ERGIC1: variants seen among roughly 807,000 people sequenced by gnomAD.
ERGIC1 encodes endoplasmic reticulum-Golgi intermediate compartment protein 1.
In ERGIC1, 19 loss-of-function variants were observed where a neutral mutation model predicts 38.3. That is an observed-to-expected ratio of 0.50 (90% CI 0.35 to 0.73). The LOEUF (loss-of-function observed/expected upper bound fraction) is 0.73, where lower values mean the gene tolerates loss of function less well. Ranked by LOEUF, ERGIC1 falls within the 30% of genes least tolerant of loss-of-function variation. ERGIC1 has a pLI of 0.01. For synonymous variants in ERGIC1, 124 were observed against 157.6 expected, an observed-to-expected ratio of 0.79 and a Z score of 1.60; for missense variants, 294 against 389.2, an observed-to-expected ratio of 0.76 and a Z score of 2.06.
chr5:172,942,216 TAAAAA>T (rs780799252), intron 9 of ERGIC1, among the ~76,000 whole-genome samples: 5 of 151,434 alleles, frequency 3.3e-5, no homozygotes, highest in African/African-American at 4.9e-5. Context: ...TAATAAAAAA[TAAAAA>T]AAAGAATTGA....
At chr5:172,864,268 CTTT>C (rs60390189) in intron 1 of ERGIC1, among the ~76,000 whole-genome samples, 9 of 71,148 alleles carry the variant, frequency 1.3e-4, no homozygotes, top group Admixed American at 3.4e-4. Flanking sequence ...ATTTTGTAGT[CTTT>C]TTTTTTTTTT....
intron 3 of ERGIC1, among the ~76,000 whole-genome samples, chr5:172,907,521 G>A (rs1471129948): frequency 2.6e-5 from 4 of 151,930 alleles, no homozygotes; most frequent in African/African-American, 9.7e-5. Flanking sequence ...TCGCGCCACT[G>A]CACTCCAGCC....
intron 9 of ERGIC1, among the ~76,000 whole-genome samples, chr5:172,944,345 T>G (rs1764072554): frequency 6.6e-6 from 1 of 150,842 alleles, no homozygotes; most frequent in Non-Finnish European, 1.5e-5. Context: ...TCCTAGGGGG[T>G]GAGGATTAGT....
rs1361729357 is a variant in ERGIC1 at position 172,846,601 on chromosome 5, C to G, written c.20+12168C>G. On this transcript the variant is annotated intron_variant, in intron 1 of 9. Coordinates refer to ENST00000393784, the MANE Select transcript of ERGIC1 (RefSeq NM_001031711.3). The surrounding 1 kb of genome is among the most constrained non-coding windows in gnomAD (Gnocchi z 4.0). ...CAGTCTTTGGATTATGCCCTGTGCC[C>G]TTTGTAAGAAGAGCCAATAAGAAGG... 6.6e-6 allele frequency among the ~76,000 whole-genome samples: 1 copy of G among 152,182 alleles called. No homozygotes were observed. The highest frequency in any genetic ancestry group is 2.4e-5 in the African/African-American group (1 of 41,436).
intron 9 of ERGIC1, among the ~76,000 whole-genome samples, chr5:172,940,982 A>G (rs1763998004): frequency 6.6e-6 from 1 of 152,242 alleles, no homozygotes; most frequent in African/African-American, 2.4e-5. Flanking sequence ...TGCCTAAAGA[A>G]GTGATCATAT....
intron 5 of ERGIC1, among the ~76,000 whole-genome samples, chr5:172,918,896 A>C (rs1289575129): frequency 6.6e-6 from 1 of 152,152 alleles, no homozygotes; most frequent in Non-Finnish European, 1.5e-5. Context: ...CCTCAGGGGA[A>C]GTCCTCCCTC....
chr5:172,878,576 A>G (rs776088290), intron 1 of ERGIC1, among the ~76,000 whole-genome samples: 71 of 151,954 alleles, frequency 4.7e-4, no homozygotes, highest in Non-Finnish European at 1.0e-4. Context: ...TGTTACTATT[A>G]TATTATTATT....
At chr5:172,841,453 C>T (rs917508744) in intron 1 of ERGIC1, among the ~76,000 whole-genome samples, 1 of 152,256 alleles carries the variant, frequency 6.6e-6, no homozygotes, top group Non-Finnish European at 1.5e-5. Flanking sequence ...AATTAGCCTT[C>T]CTCCTGGCAC....
chr5:172,837,424 A>G lies in ERGIC1; in HGVS notation c.20+2991A>G, dbSNP rs1315979686. On this transcript the variant is annotated intron_variant, in intron 1 of 9. Coordinates refer to ENST00000393784, the MANE Select transcript of ERGIC1 (RefSeq NM_001031711.3). This position sits in a 1 kb window ranked among gnomAD's most constrained non-coding sequence, Gnocchi z 4.3. ...CATCTCCTAACACATTATATAATTC[A>G]CTTAATTATCATGCTGCTTCTCTCT... Among the ~76,000 whole-genome samples, 1 of 152,140 alleles carries G rather than the reference A, an allele frequency of 6.6e-6. No homozygotes were observed. The highest frequency in any genetic ancestry group is 1.5e-5 in the Non-Finnish European group (1 of 68,014).
At chr5:172,906,215 C>G (rs1234144768) in intron 3 of ERGIC1, 1 of 455,666 alleles carries the variant, frequency 2.2e-6, no homozygotes, top group Non-Finnish European at 4.4e-6. Context: ...TAAGGCTTCC[C>G]AGGACCAGGG....
intron 7 of ERGIC1, among the ~76,000 whole-genome samples, chr5:172,928,645 C>G (rs2113461316): frequency 6.6e-6 from 1 of 152,302 alleles, no homozygotes; most frequent in Non-Finnish European, 1.5e-5. Context: ...GTCCCCAGGA[C>G]CCAGCCCTGT....
At chr5:172,849,316 C>T (rs1197037851) in intron 1 of ERGIC1, among the ~76,000 whole-genome samples, 1 of 152,130 alleles carries the variant, frequency 6.6e-6, no homozygotes, top group Non-Finnish European at 1.5e-5. Context: ...GGGCCCTGTG[C>T]GGATCCGGGA....
chr5:172,847,405 G>A (rs563411456), intron 1 of ERGIC1, among the ~76,000 whole-genome samples: 2 of 152,270 alleles, frequency 1.3e-5, no homozygotes, highest in Admixed American at 6.5e-5. Context: ...TAATAAGCAT[G>A]TCTCTACCAT....
rs774720726 is a variant in ERGIC1 at position 172,935,320 on chromosome 5, C to T, written c.765+10C>T. 6.2e-7 allele frequency: 1 copy of T among 1,613,968 alleles called. No homozygotes were observed. Among genetic ancestry groups the T allele is most frequent in the Non-Finnish European group, 8.5e-7 (1 of 1,180,016 alleles). On this transcript the variant is annotated intron_variant, in intron 9 of 9. Transcript: ENST00000393784. ...CAGATTCATCACCACGGTGAGTGGCCTGGGGCAGTGGGTGGGGCCCTGAGC... is the reference window on the plus strand; with the variant it reads ...CAGATTCATCACCACGGTGAGTGGCTTGGGGCAGTGGGTGGGGCCCTGAGC...
chr5:172,883,535 T>C (rs1388803728), intron 1 of ERGIC1, among the ~76,000 whole-genome samples: 1 of 152,190 alleles, frequency 6.6e-6, no homozygotes, highest in African/African-American at 2.4e-5. Flanking sequence ...ACTTTGGATT[T>C]GTTTGATGTT....
intron 4 of ERGIC1, among the ~76,000 whole-genome samples, chr5:172,911,251 C>G (rs888987121): frequency 6.6e-6 from 1 of 152,226 alleles, no homozygotes; most frequent in Non-Finnish European, 1.5e-5. Context: ...CGCTGGGCCC[C>G]AAGCCAGGGA....
intron 1 of ERGIC1, among the ~76,000 whole-genome samples, chr5:172,850,672 T>C (rs58664572): frequency 0.1 from 15,286 of 152,062 alleles, 1,148 homozygotes; most frequent in African/African-American, 0.21. Context: ...AAGCAGCTGC[T>C]GTGTAGAGTT....
intron 3 of ERGIC1, among the ~76,000 whole-genome samples, chr5:172,899,170 G>A (rs1762807328): frequency 6.6e-6 from 1 of 152,050 alleles, no homozygotes; most frequent in African/African-American, 2.4e-5. Context: ...CCTCAGGCAG[G>A]GATGACCTGG....
At chr5:172,915,317 G>A (rs1261023188) in intron 5 of ERGIC1, 17 of 503,912 alleles carry the variant, frequency 3.4e-5, no homozygotes, top group Middle Eastern at 4.8e-4. Context: ...TTCCAGGGTC[G>A]GTGATAGGCT....
Sources: gnomAD v4.1 joint callset for allele counts (sites outside exome capture counted in the v4.1 genomes callset) on GRCh38, gnomAD v4.1.1 for gene constraint, Gnocchi (gnomAD v3.1) non-coding constraint, MANE v1.5 for transcripts, NCBI Gene and HGNC (gene_info 2026-07-23, HGNC 2026-07-21) for gene names.